Variants in LAMA5 observed in about 807,000 individuals in gnomAD.
LAMA5 encodes the protein laminin subunit alpha 5.
In LAMA5, 260 loss-of-function variants were observed where a neutral mutation model predicts 433.4. The observed-to-expected ratio is 0.60, with a 90% confidence interval of 0.54 to 0.66. The LOEUF is 0.66. Ranked by LOEUF, LAMA5 falls within the 30% of genes least tolerant of loss-of-function variation. The pLI, the probability that LAMA5 is intolerant of heterozygous loss-of-function variation, is 0.00. For missense variants in LAMA5, 5,378 were observed against 5,258.5 expected, an observed-to-expected ratio of 1.02 and a Z score of -0.70; for synonymous variants, 2,620 against 2,226.6, an observed-to-expected ratio of 1.18 and a Z score of -4.97.
At position 62,367,246 on chromosome 20, in the gene LAMA5, C is replaced by G. The variant is rs1423453534; in HGVS notation, c.-1G>C. 2.5e-6 allele frequency: 3 copies of G among 1,176,668 alleles called. No individual in the cohort carries two copies. Among genetic ancestry groups the G allele is most frequent in the South Asian group, 7.7e-5 (2 of 25,934 alleles). 72.9% of individuals were successfully genotyped at this position (1,176,668 alleles called of 1,614,324 possible). A position where few individuals can be genotyped will look rare whatever the true frequency, so the allele number is the denominator to read the frequency against. ...TCCCCGCGCAGAGCCGCTTCGCCATCTTCCCGGCTCCGGGCCGCGTCCCCG... is the reference window on the plus strand; with the variant it reads ...TCCCCGCGCAGAGCCGCTTCGCCATGTTCCCGGCTCCGGGCCGCGTCCCCG... On this transcript the variant is annotated 5_prime_UTR_variant, in exon 1 of 80. Coordinates refer to ENST00000252999, the MANE Select transcript of LAMA5 (RefSeq NM_005560.6).
intron 1 of LAMA5, among the ~76,000 whole-genome samples, chr20:62,366,358 C>T (rs575032114): frequency 6.6e-6 from 1 of 152,342 alleles, no homozygotes; most frequent in East Asian, 1.9e-4. Context: ...GAGACTGAAG[C>T]CCCCGGACCC....
chr20:62,318,894 G>C lies in LAMA5; in HGVS notation c.6991C>G (p.Leu2331Val). Reference sequence around the variant, plus strand: ...TCAGCTGCTGCCTGCGGGGCCCCCAGGTCCCGGGCCCGCATCTCCCAGAGC... The same window carrying C: ...TCAGCTGCTGCCTGCGGGGCCCCCACGTCCCGGGCCCGCATCTCCCAGAGC... ...RLLWEMRARD[L>V]GAPQAAAEAE... Residue 2331 changes from leucine (L) to valine (V), a missense_variant, in exon 52 of 80, where the codon CTG (leucine) becomes GTG (valine). Transcript: ENST00000252999. 6.2e-7 allele frequency: 1 copy of C among 1,607,256 alleles called. No individual in the cohort carries two copies. The highest frequency in any genetic ancestry group is 1.7e-4 in the Middle Eastern group (1 of 6,048).
At chr20:62,331,492 C>T (rs1483412715) in intron 28 of LAMA5, among the ~76,000 whole-genome samples, 1 of 152,138 alleles carries the variant, frequency 6.6e-6, no homozygotes, top group African/African-American at 2.4e-5. Context: ...CTATGCGGCT[C>T]CTCCCATAGC....
At chr20:62,320,702 G>A (rs1205185814) in intron 49 of LAMA5, 33 bp from the exon 50 acceptor site, 1 of 1,612,224 alleles carries the variant, frequency 6.2e-7, no homozygotes, top group East Asian at 2.2e-5. Flanking sequence ...GCCTGCACTG[G>A]CCCGGGTTGG....
At chr20:62,341,632 AAAT>A (rs551389932) in intron 11 of LAMA5, among the ~76,000 whole-genome samples, 147 of 152,328 alleles carry the variant, frequency 9.7e-4, no homozygotes, top group African/African-American at 3.5e-3. Context: ...GACAGACTAA[AAAT>A]AATAACTCAA....
Position 62,351,714 on chromosome 20 carries a change from C to A in LAMA5, c.946G>T (p.Asp316Tyr). The A allele has an allele frequency of 6.2e-7, 1 of 1,611,648 alleles. No individual in the cohort carries two copies. The highest frequency in any genetic ancestry group is 8.5e-7 in the Non-Finnish European group (1 of 1,179,756). ...ADACDAKDPT[D>Y]PFRLQCTCQH... ...TGAATGGGGCCTCACCTGAACGGGTCCGTGGGGTCTTTGGCATCGCAGGCA... is the reference window on the plus strand; with the variant it reads ...TGAATGGGGCCTCACCTGAACGGGTACGTGGGGTCTTTGGCATCGCAGGCA... The change falls in exon 6 of 80, where the codon GAC becomes TAC. Residue 316 changes from aspartate (D) to tyrosine (Y), a missense_variant. Physicochemically the swap from Asp to Tyr is radical, Grantham distance 160 (BLOSUM62 -3). Coordinates refer to ENST00000252999, the MANE Select transcript of LAMA5 (RefSeq NM_005560.6).
Position 62,367,130 on chromosome 20 carries a change from G to T in LAMA5, c.116C>A (p.Ala39Glu). Reference protein sequence around the residue: ...LLGAARAREEAGGGFSLHPPY... With the variant: ...LLGAARAREEEGGGFSLHPPY... ...CGGGTGCAGGCTGAAGCCGCCGCCC[G>T]CCTCCTCCCGCGCCCGCGCCGCGCC... The change falls in exon 1 of 80, where the codon GCG (alanine) becomes GAG (glutamate). Residue 39 changes from alanine to glutamate, a missense_variant. Coordinates refer to ENST00000252999, the MANE Select transcript of LAMA5 (RefSeq NM_005560.6). 1 of 1,272,564 alleles carries T rather than the reference G, an allele frequency of 7.9e-7. No homozygotes were observed. Among genetic ancestry groups the T allele is most frequent in the South Asian group, 2.9e-5 (1 of 35,074 alleles). The allele number at this position is 1,272,564 out of a possible 1,614,324, so 78.8% of individuals were successfully genotyped here. A position where few individuals can be genotyped will look rare whatever the true frequency, so the allele number is the denominator to read the frequency against.
In LAMA5 at chr20:62,337,830, C is replaced by T. The variant is rs752270359; in HGVS notation, c.2000G>A (p.Gly667Asp). 5.0e-6 allele frequency: 8 copies of T among 1,612,622 alleles called. No homozygotes were observed. Among genetic ancestry groups the T allele is most frequent in the African/African-American group, 1.3e-5 (1 of 74,944 alleles). Residue 667 changes from glycine to aspartate, a missense_variant, in exon 15 of 80, where the codon GGC becomes GAC. Transcript: ENST00000252999. ...TGTACQECSP[G>D]FHGFPSCVPC... ...GACACAGCTGGGGAAGCCGTGAAAG[C>T]CGGGGCTGCATTCCTGGCAGGCAGT...
In LAMA5 at chr20:62,332,758, G is replaced by A. The variant is rs766079297; in HGVS notation, c.3283-41C>T. 14 of 1,595,874 alleles carry A rather than the reference G, an allele frequency of 8.8e-6. No individual in the cohort carries two copies. The East Asian group carries it at 1.6e-4, about 18-fold the overall frequency. On this transcript the variant is annotated intron_variant, in intron 26 of 79. Coordinates refer to ENST00000252999, the MANE Select transcript of LAMA5 (RefSeq NM_005560.6). ...GGTGACGGGAGGCCCGCCACCCCTC[G>A]CCCTTCCCACCTCCCTCCCCTCCCA...
At chr20:62,343,043 T>C (rs189055166) in intron 11 of LAMA5, among the ~76,000 whole-genome samples, 39 of 152,298 alleles carry the variant, frequency 2.6e-4, no homozygotes, top group African/African-American at 8.7e-4. Context: ...ATTAGCAAAC[T>C]AGTCTATGGA....
chr20:62,334,398 C>T, intron 21 of LAMA5, 56 bp from the exon 22 acceptor site: 1 of 1,532,890 alleles, frequency 6.5e-7, no homozygotes, highest in Non-Finnish European at 8.8e-7. Flanking sequence ...TAGCCCTGCA[C>T]AGCGGCCCCG....
rs543533435 is a variant in LAMA5 at position 62,337,178 on chromosome 20, C to T, written c.2165-392G>A. Among the ~76,000 whole-genome samples the T allele has an allele frequency of 5.4e-5, 5 of 92,446 alleles. No individual in the cohort carries two copies. In the South Asian group the frequency reaches 1.2e-3, roughly 23 times the overall value. 60.6% of individuals were successfully genotyped at this position (92,446 alleles called of 152,430 possible). A position where few individuals can be genotyped will look rare whatever the true frequency, so the allele number is the denominator to read the frequency against. On this transcript the variant is annotated intron_variant, in intron 16 of 79. Coordinates refer to ENST00000252999, the MANE Select transcript of LAMA5 (RefSeq NM_005560.6). ...ACCCACACTTGAGACACGCGATACGCGCACCCACTTATGCGATACGCGCAC... is the reference window on the plus strand; with the variant it reads ...ACCCACACTTGAGACACGCGATACGTGCACCCACTTATGCGATACGCGCAC...
Position 62,322,308 on chromosome 20 carries a change from C to T in LAMA5, c.6307G>A (p.Ala2103Thr). 1 of 1,600,342 alleles carries T rather than the reference C, an allele frequency of 6.2e-7. No individual in the cohort carries two copies. The highest frequency in any genetic ancestry group is 8.5e-7 in the Non-Finnish European group (1 of 1,175,796). ...TCAGGGAGCCCCCAGTAGCCAGGGG[C>T]ACACTCGCGGCACTGGGGTCCCATG... is the stretch of plus-strand genomic sequence containing the variant. ...GTMGPQCREC[A>T]PGYWGLPEQG... The change falls in exon 47 of 80, where the codon GCC becomes ACC. Residue 2103 changes from alanine (A) to threonine (T), a missense_variant. Transcript: ENST00000252999.
rs761646814 is a variant in LAMA5, at chr20:62,335,084, C to G, written c.2419G>C (p.Ala807Pro). 11 of 1,613,048 alleles carry G rather than the reference C, an allele frequency of 6.8e-6. No individual in the cohort carries two copies. The East Asian group carries it at 2.5e-4, about 36-fold the overall frequency. The change falls in exon 20 of 80, where the codon GCC becomes CCC. Residue 807 changes from alanine to proline, a missense_variant. Physicochemically the swap from Ala to Pro is conservative, Grantham distance 27. Transcript: ENST00000252999. Reference protein sequence around the residue: ...CFCKPHVCGQACASCKDGFFG... With the variant: ...CFCKPHVCGQPCASCKDGFFG... ...AAGCCATCCTTGCAGGACGCGCAGGCCTGGCCGCACACGTGGGGCTTGCAG... is the reference window on the plus strand; with the variant it reads ...AAGCCATCCTTGCAGGACGCGCAGGGCTGGCCGCACACGTGGGGCTTGCAG...
rs200907939 is a variant in LAMA5 at position 62,310,566 on chromosome 20, C to G, written c.10453G>C (p.Val3485Leu). 6.5e-7 allele frequency: 1 copy of G among 1,548,226 alleles called. No homozygotes were observed. The change falls in exon 76 of 80, where the codon GTC becomes CTC. Residue 3485 changes from valine to leucine, a missense_variant. Coordinates refer to ENST00000252999, the MANE Select transcript of LAMA5 (RefSeq NM_005560.6). ...SSHSSKLPVT[V>L]GFSGCVKRLR... is the part of the protein sequence containing the mutation. ...CTCTTCACACAGCCGCTGAACCCGA[C>G]GGTCACCTATAGGAGCAGACCGGGC...
rs149051120 is a variant in LAMA5, at chr20:62,322,089, G to A, written c.6426C>T (p.Cys2142=). The A allele has an allele frequency of 6.1e-5, 98 of 1,601,690 alleles. No individual in the cohort carries two copies. The highest frequency in any genetic ancestry group is 3.5e-4 in the African/African-American group (26 of 74,946). The change falls in exon 48 of 80, where the codon TGC becomes TGT. Residue 2142 remains cysteine, a synonymous_variant. Coordinates refer to ENST00000252999, the MANE Select transcript of LAMA5 (RefSeq NM_005560.6). ...CCTGATGCTGCTGGCTGCAGGTGTCGCAGCGCTCCCCGCTGAGCCCCGGGG... is the reference window on the plus strand; with the variant it reads ...CCTGATGCTGCTGGCTGCAGGTGTCACAGCGCTCCCCGCTGAGCCCCGGGG... The part of the protein sequence containing the change: ...NCPPGLSGER[C]DTCSQQHQVP...
rs1456118361 is a variant in LAMA5, at chr20:62,330,538, T to C, written c.3929A>G (p.His1310Arg). The change falls in exon 31 of 80, where the codon CAC (histidine) becomes CGC (arginine). Residue 1310 changes from histidine (H) to arginine (R), a missense_variant. Coordinates refer to ENST00000252999, the MANE Select transcript of LAMA5 (RefSeq NM_005560.6). ...GAGGACTTCCACGGGGAAGGTGGGG[T>C]GGGCTGGCTGGTAGCCGTGCAGCAG... Reference protein sequence around the residue: ...AFLLHGYQPAHPTFPVEVLIN... With the variant: ...AFLLHGYQPARPTFPVEVLIN... The C allele has an allele frequency of 2.5e-6, 4 of 1,580,618 alleles. No homozygotes were observed. In the African/African-American group the frequency reaches 5.4e-5, roughly 21 times the overall value.
chr20:62,328,204 C>T, intron 35 of LAMA5, 37 bp downstream of exon 35: 1 of 1,553,612 alleles, frequency 6.4e-7, no homozygotes, highest in Non-Finnish European at 8.7e-7. Flanking sequence ...TCCTTAAGGC[C>T]ACCAGGGGCC....
Position 62,349,320 on chromosome 20 carries a change from C to G in LAMA5, c.957-2292G>C, listed in dbSNP as rs1983843302. 2.9e-5 allele frequency among the ~76,000 whole-genome samples: 4 copies of G among 139,990 alleles called. No individual in the cohort carries two copies. The South Asian group carries it at 7.2e-4, about 25-fold the overall frequency. The allele number at this position is 139,990 out of a possible 152,430, so 91.8% of individuals were successfully genotyped here. Reference sequence around the variant, plus strand: ...CGTGAGTCCTGAGCAAGAAAAAAATCCCAATCCTCAACACATCACAATAAA... The same window carrying G: ...CGTGAGTCCTGAGCAAGAAAAAAATGCCAATCCTCAACACATCACAATAAA... On this transcript the variant is annotated intron_variant, in intron 6 of 79. Coordinates refer to ENST00000252999, the MANE Select transcript of LAMA5 (RefSeq NM_005560.6).
Sources: gnomAD v4.1 joint callset for allele counts (sites outside exome capture counted in the v4.1 genomes callset) on GRCh38, gnomAD v4.1.1 for gene constraint, MANE v1.5 for transcripts, NCBI Gene and HGNC (gene_info 2026-07-23, HGNC 2026-07-21) for gene names.